The following RAB6B variants were observed in gnomAD, a reference collection of about 807,000 sequenced individuals.
RAB6B encodes ras-related protein Rab-6B.
Under a neutral mutation model 31.2 loss-of-function variants are expected in RAB6B, and 7 were observed. That is an observed-to-expected ratio of 0.22 (90% confidence interval 0.13 to 0.42). The LOEUF is 0.42. RAB6B is among the 10% of genes least tolerant of loss of function. The pLI, the probability that RAB6B is intolerant of heterozygous loss-of-function variation, is 1.00. For synonymous variants in RAB6B, 105 were observed against 104.9 expected (o/e 1.00, Z -0.01); for missense variants, 149 against 280.6 (o/e 0.53, Z 3.35).
chr3:133,871,745 A>C (rs1397048028), intron 1 of RAB6B, among the ~76,000 whole-genome samples: 1 of 152,254 alleles, frequency 6.6e-6, no homozygotes. Flanking sequence ...CATTAGCCAG[A>C]GACTGCACGG....
At chr3:133,843,798 G>A (rs1244160860) in intron 2 of RAB6B, among the ~76,000 whole-genome samples, 1 of 152,212 alleles carries the variant, frequency 6.6e-6, no homozygotes, top group Non-Finnish European at 1.5e-5. Context: ...AGTACCCACA[G>A]CTGCTCCCTT....
chr3:133,857,518 G>A (rs1340774313), intron 2 of RAB6B, among the ~76,000 whole-genome samples: 1 of 151,786 alleles, frequency 6.6e-6, no homozygotes, highest in Non-Finnish European at 1.5e-5. Flanking sequence ...CTCTACCAGG[G>A]CAGAAGATCC....
At chr3:133,890,300 G>T (rs147730726) in intron 1 of RAB6B, among the ~76,000 whole-genome samples, 1 of 152,076 alleles carries the variant, frequency 6.6e-6, no homozygotes, top group African/African-American at 2.4e-5. Flanking sequence ...TGTGAGTTGC[G>T]CATGACCAAG....
chr3:133,865,592 G>A (rs1239871234), intron 1 of RAB6B, among the ~76,000 whole-genome samples: 20 of 152,242 alleles, frequency 1.3e-4, no homozygotes, highest in Admixed American at 1.3e-3. Flanking sequence ...ACCCTGGGAG[G>A]CTCAGTGGGG....
In RAB6B at chr3:133,895,725, T is replaced by A. The variant is rs1013731956; in HGVS notation, c.-259A>T. 1 of 493,832 alleles carries A rather than the reference T, an allele frequency of 2.0e-6. No individual in the cohort carries two copies. The highest frequency in any genetic ancestry group is 3.5e-6 in the Non-Finnish European group (1 of 283,654). The allele number at this position is 493,832 out of a possible 1,614,324, so 30.6% of individuals were successfully genotyped here. On this transcript the variant is annotated 5_prime_UTR_variant, in exon 1 of 8. Coordinates refer to ENST00000285208, the MANE Select transcript of RAB6B (RefSeq NM_016577.4). Reference sequence around the variant, plus strand: ...CTGCTGCGGTCGGCACTGGCTGCGGTGCGAGGGGCGCGCTCTTTACGCCCG... The same window carrying A: ...CTGCTGCGGTCGGCACTGGCTGCGGAGCGAGGGGCGCGCTCTTTACGCCCG...
chr3:133,895,490 G>T lies in RAB6B; in HGVS notation c.-24C>A, dbSNP rs766631069. ...ATGGTGCTGGCAGCCGGGGCCGGGA[G>T]AGGAGGAGGAGGAAAAAGCGAAGGA... On this transcript the variant is annotated 5_prime_UTR_variant, in exon 1 of 8. Coordinates refer to ENST00000285208, the MANE Select transcript of RAB6B (RefSeq NM_016577.4). The T allele has an allele frequency of 1.8e-5, 29 of 1,600,784 alleles. No homozygotes were observed. The highest frequency in any genetic ancestry group is 2.5e-5 in the Non-Finnish European group (29 of 1,171,340).
intron 7 of RAB6B, among the ~76,000 whole-genome samples, chr3:133,829,428 A>G (rs1312237823): frequency 1.3e-5 from 2 of 152,230 alleles, no homozygotes; most frequent in African/African-American, 4.8e-5. Flanking sequence ...GCTGTGGGCT[A>G]AAGAAGCACT....
Position 133,838,001 on chromosome 3 carries a change from C to T in RAB6B, c.495+165G>A, listed in dbSNP as rs72976344. On this transcript the variant is annotated intron_variant, in intron 6 of 7. Transcript: ENST00000285208. ...TCCCTCTTTTGGGCTTTACCAGCTCCGGAAATTAGCTCTCCCCTCCCTGGG... is the reference window on the plus strand; with the variant it reads ...TCCCTCTTTTGGGCTTTACCAGCTCTGGAAATTAGCTCTCCCCTCCCTGGG... Among the ~76,000 whole-genome samples the T allele has an allele frequency of 4.0e-3, 614 of 152,304 alleles. 5 individuals are homozygous for T. Among genetic ancestry groups the T allele is most frequent in the African/African-American group, 0.014 (587 of 41,552 alleles).
At chr3:133,834,312 C>T (rs570760273) in intron 7 of RAB6B, among the ~76,000 whole-genome samples, 1 of 152,290 alleles carries the variant, frequency 6.6e-6, no homozygotes, top group East Asian at 1.9e-4. Context: ...TTTCTCACTC[C>T]CCACCCCACA....
At chr3:133,857,351 T>C (rs947922739) in intron 2 of RAB6B, among the ~76,000 whole-genome samples, 2 of 135,464 alleles carry the variant, frequency 1.5e-5, no homozygotes, top group South Asian at 2.3e-4. Flanking sequence ...ACTAAGAAAC[T>C]AAAAAGCTCG....
At chr3:133,885,750 T>C (rs545165822) in intron 1 of RAB6B, 88 of 620,588 alleles carry the variant, frequency 1.4e-4, no homozygotes, top group African/African-American at 1.3e-3. Context: ...AGAGAGACAA[T>C]AGTCCCTCCC....
At chr3:133,874,214 A>G (rs1424259121) in intron 1 of RAB6B, among the ~76,000 whole-genome samples, 2 of 152,230 alleles carry the variant, frequency 1.3e-5, no homozygotes, top group Admixed American at 6.5e-5. Context: ...CTATCTATCT[A>G]TAGTCATGCT....
At chr3:133,850,648 A>G (rs1211626687) in intron 2 of RAB6B, among the ~76,000 whole-genome samples, 2 of 152,124 alleles carry the variant, frequency 1.3e-5, no homozygotes, top group Non-Finnish European at 2.9e-5. Context: ...ATTGAGAAAA[A>G]TTTCATAAAC....
intron 2 of RAB6B, among the ~76,000 whole-genome samples, chr3:133,849,184 G>A (rs1306294984): frequency 6.6e-6 from 1 of 152,126 alleles, no homozygotes; most frequent in African/African-American, 2.4e-5. Flanking sequence ...TGAGCCCTCA[G>A]GTTGGTCCAG....
chr3:133,846,013 A>G (rs72976355), intron 2 of RAB6B, among the ~76,000 whole-genome samples: 4,516 of 152,350 alleles, frequency 0.03, 215 homozygotes, highest in African/African-American at 0.1. Context: ...AGTAGCTAGG[A>G]CACTGCAGAG....
intron 1 of RAB6B, chr3:133,894,522 G>A (rs1468256481): frequency 2.0e-5 from 3 of 152,368 alleles, no homozygotes; most frequent in Non-Finnish European, 4.4e-5. Context: ...GGGAGGTGGG[G>A]GTGGGAAGAA....
intron 1 of RAB6B, among the ~76,000 whole-genome samples, chr3:133,888,886 C>A (rs182306315): frequency 1.2e-3 from 183 of 152,266 alleles, no homozygotes; most frequent in East Asian, 3.7e-3. Context: ...CTGCTTGGAG[C>A]CCCATTTCCT....
At chr3:133,853,272 C>T (rs1195863544) in intron 2 of RAB6B, among the ~76,000 whole-genome samples, 1 of 152,064 alleles carries the variant, frequency 6.6e-6, no homozygotes, top group Non-Finnish European at 1.5e-5. Context: ...AGTGGGGATA[C>T]ACATGTGTAT....
At chr3:133,863,259 A>T (rs1429799888) in intron 2 of RAB6B, among the ~76,000 whole-genome samples, 3 of 152,250 alleles carry the variant, frequency 2.0e-5, no homozygotes, top group Non-Finnish European at 2.9e-5. Context: ...GTAGAAGCAG[A>T]GGTAAAGTAA....
Sources: allele counts gnomAD v4.1 joint callset (sites outside exome capture counted in the v4.1 genomes callset), GRCh38; gene constraint gnomAD v4.1.1; transcripts MANE v1.5; gene names NCBI Gene and HGNC (gene_info 2026-07-23, HGNC 2026-07-21).